DENND5B: variants seen among roughly 807,000 people sequenced by gnomAD.
The protein encoded by DENND5B is DENN domain-containing protein 5B.
Under a neutral mutation model 140.6 loss-of-function variants are expected in DENND5B, and 34 were observed. That is an observed-to-expected ratio of 0.24 (90% CI 0.18 to 0.32). The LOEUF (loss-of-function observed/expected upper bound fraction) is 0.32. Ranked by LOEUF, DENND5B falls within the 10% of genes least tolerant of loss-of-function variation. DENND5B has a pLI of 1.00. For missense variants in DENND5B, 1,142 were observed against 1,560.2 expected (o/e 0.73, Z 4.52); for synonymous variants, 551 against 562.1 (o/e 0.98, Z 0.28).
intron 4 of DENND5B, among the ~76,000 whole-genome samples, chr12:31,456,718 G>C (rs967605353): frequency 6.6e-6 from 1 of 152,204 alleles, no homozygotes; most frequent in African/African-American, 2.4e-5. Context: ...TTCATGTTTA[G>C]TAAGTGATCT....
At chr12:31,579,600 G>A (rs924758073) in intron 1 of DENND5B, among the ~76,000 whole-genome samples, 6 of 152,210 alleles carry the variant, frequency 3.9e-5, no homozygotes, top group Admixed American at 2.6e-4. Context: ...GGCAGATACT[G>A]CAATGAGGCG....
rs544895972 is a variant in DENND5B at position 31,421,348 on chromosome 12, C to T, written c.2470+2249G>A. Reference sequence around the variant, plus strand: ...GCATGAGCCACCGTGCCCAGCCCATCATAAATCTTTAAGGATCTTTCCTAA... The same window carrying T: ...GCATGAGCCACCGTGCCCAGCCCATTATAAATCTTTAAGGATCTTTCCTAA... On this transcript the variant is annotated intron_variant, in intron 11 of 20. Coordinates refer to ENST00000389082, the MANE Select transcript of DENND5B (RefSeq NM_144973.4). Among the ~76,000 whole-genome samples, 6 of 152,122 alleles carry T rather than the reference C, an allele frequency of 3.9e-5. No homozygotes were observed. In the East Asian group the frequency reaches 1.2e-3, roughly 30 times the overall value.
intron 1 of DENND5B, among the ~76,000 whole-genome samples, chr12:31,565,888 T>C (rs1244000457): frequency 2.0e-5 from 3 of 152,084 alleles, no homozygotes; most frequent in Non-Finnish European, 4.4e-5. Context: ...ACACCTGTAA[T>C]CCCAGCACTT....
At chr12:31,586,001 T>C (rs1316886987) in intron 1 of DENND5B, among the ~76,000 whole-genome samples, 1 of 152,206 alleles carries the variant, frequency 6.6e-6, no homozygotes, top group African/African-American at 2.4e-5. Context: ...CTGTGTACTG[T>C]ATATAAGGTA....
chr12:31,472,426 G>T (rs543521436), intron 3 of DENND5B, among the ~76,000 whole-genome samples: 1 of 149,762 alleles, frequency 6.7e-6, no homozygotes, highest in East Asian at 2.0e-4. Context: ...CAAGTAGCTG[G>T]GATTACAGGG....
chr12:31,589,413 TAC>T (rs1200779817), intron 1 of DENND5B, among the ~76,000 whole-genome samples: 1 of 152,164 alleles, frequency 6.6e-6, no homozygotes, highest in Non-Finnish European at 1.5e-5. Context: ...AAACTAGACT[TAC>T]AGTTTTTGTT....
chr12:31,586,388 G>A (rs1244503330), intron 1 of DENND5B, among the ~76,000 whole-genome samples: 1 of 152,210 alleles, frequency 6.6e-6, no homozygotes, highest in African/African-American at 2.4e-5. Context: ...CAGTGGGTAG[G>A]AGAAGCACAA....
intron 1 of DENND5B, among the ~76,000 whole-genome samples, chr12:31,551,858 T>C (rs1201003684): frequency 2.6e-5 from 4 of 152,178 alleles, no homozygotes; most frequent in Admixed American, 6.5e-5. Flanking sequence ...TGATTTGGCT[T>C]TCTGTTTGTC....
chr12:31,559,476 CCAGA>C (rs112484826), intron 1 of DENND5B, among the ~76,000 whole-genome samples: 86,289 of 151,422 alleles, frequency 0.57, 25,010 homozygotes, highest in East Asian at 0.82. Context: ...GGAGTTATCT[CCAGA>C]CAAAGAGTAA....
chr12:31,504,901 G>A (rs1006457309), intron 1 of DENND5B, among the ~76,000 whole-genome samples: 1 of 152,142 alleles, frequency 6.6e-6, no homozygotes, highest in African/African-American at 2.4e-5. Context: ...TAAATGCAAA[G>A]GAGGCCTTAA....
chr12:31,519,887 T>C (rs998769422), intron 1 of DENND5B, among the ~76,000 whole-genome samples: 2 of 152,214 alleles, frequency 1.3e-5, no homozygotes. Context: ...ATCACTACTA[T>C]CTAATTTTAG....
At chr12:31,456,611 G>A (rs1465594214) in intron 4 of DENND5B, among the ~76,000 whole-genome samples, 3 of 152,204 alleles carry the variant, frequency 2.0e-5, no homozygotes, top group Non-Finnish European at 2.9e-5. Flanking sequence ...TTTGGCAAAT[G>A]AAAGAATAAG....
chr12:31,583,537 G>T (rs1373487518), intron 1 of DENND5B, among the ~76,000 whole-genome samples: 2 of 151,944 alleles, frequency 1.3e-5, no homozygotes, highest in East Asian at 3.9e-4. Flanking sequence ...AATTAGCCAG[G>T]CATGGTGGCA....
chr12:31,404,517 A>C (rs1001072044), intron 14 of DENND5B, among the ~76,000 whole-genome samples: 7 of 152,058 alleles, frequency 4.6e-5, no homozygotes, highest in Admixed American at 4.6e-4. Context: ...GTAGTGGCAC[A>C]TTCTTGGCTC....
At chr12:31,478,855 T>C (rs529792184) in intron 3 of DENND5B, among the ~76,000 whole-genome samples, 80 of 152,338 alleles carry the variant, frequency 5.3e-4, no homozygotes, top group Non-Finnish European at 8.7e-4. Context: ...ACTAGTATCC[T>C]AGTCTAGGCT....
At chr12:31,409,169 C>A in intron 14 of DENND5B, 94 bp downstream of exon 14, 1 of 1,302,290 alleles carries the variant, frequency 7.7e-7, no homozygotes, top group Non-Finnish European at 1.0e-6. Flanking sequence ...CACAATGTCA[C>A]ATGTACTATG....
intron 1 of DENND5B, chr12:31,499,467 G>T (rs1946920913): frequency 3.6e-6 from 2 of 561,726 alleles, no homozygotes; most frequent in African/African-American, 1.9e-5. Context: ...TTAAGATGCA[G>T]ATGAGAGAAG....
At chr12:31,563,892 G>A (rs1949549910) in intron 1 of DENND5B, among the ~76,000 whole-genome samples, 1 of 152,172 alleles carries the variant, frequency 6.6e-6, no homozygotes. Flanking sequence ...TGAGGTGAGT[G>A]GATCACTTGA....
At chr12:31,540,759 GA>G (rs997107360) in intron 1 of DENND5B, among the ~76,000 whole-genome samples, 4 of 151,178 alleles carry the variant, frequency 2.6e-5, no homozygotes, top group Admixed American at 1.3e-4. Flanking sequence ...CTATCCTGAG[GA>G]AAAAAACAAA....
Sources: allele counts gnomAD v4.1 joint callset (sites outside exome capture counted in the v4.1 genomes callset), GRCh38; gene constraint gnomAD v4.1.1; transcripts MANE v1.5; gene names NCBI Gene and HGNC (gene_info 2026-07-23, HGNC 2026-07-21).